Variants in SLC29A1 observed in about 807,000 individuals in gnomAD.
SLC29A1 encodes solute carrier family 29 member 1 (Augustine blood group), also known as equilibrative nucleoside transporter 1.
In SLC29A1, 22 loss-of-function variants were observed where a neutral mutation model predicts 48.3. The ratio of observed to expected loss-of-function variants is 0.46; its 90% CI spans 0.33 to 0.65. The LOEUF is 0.65. Among genes scored for constraint, SLC29A1 ranks in the 30% least tolerant of loss-of-function variants. The probability of loss-of-function intolerance (pLI) is 0.03; values close to 1 mark genes in which losing one functional copy is unlikely to be tolerated. For synonymous variants in SLC29A1, 228 were observed against 231.0 expected, an observed-to-expected ratio of 0.99 and a Z score of 0.12; for missense variants, 491 against 575.3, an observed-to-expected ratio of 0.85 and a Z score of 1.50.
At chr6:44,223,585 G>C, upstream of SLC29A1, 1 of 1,213,474 alleles carries the variant, frequency 8.2e-7, no homozygotes. The surrounding 1 kb of genome is among the most constrained non-coding windows in gnomAD (Gnocchi z 5.0). Context: ...CGGCGGGAGA[G>C]GGAAGCTGCA....
In SLC29A1 at chr6:44,227,274, A is replaced by G; in HGVS notation, c.-40A>G. On this transcript the variant is annotated 5_prime_UTR_variant, in exon 2 of 13. Coordinates refer to ENST00000371755, the MANE Select transcript of SLC29A1 (RefSeq NM_001372327.1). ...CCTGCCCCCAGCAGGCCCCTGAGGG[A>G]GGGAGCTGTCAGCCAGGGAAAACCG... 6.2e-7 allele frequency: 1 copy of G among 1,613,756 alleles called. No individual in the cohort carries two copies. Among genetic ancestry groups the G allele is most frequent in the African/African-American group, 1.3e-5 (1 of 75,038 alleles).
At position 44,229,320 on chromosome 6, in the gene SLC29A1, TTCCTGGGGCTC is replaced by T; in HGVS notation, c.30-69_30-59del. 1 of 1,238,686 alleles carries T rather than the reference TTCCTGGGGCTC, an allele frequency of 8.1e-7. No individual in the cohort carries two copies. Among genetic ancestry groups the T allele is most frequent in the Non-Finnish European group, 1.2e-6 (1 of 837,324 alleles). The allele number at this position is 1,238,686 out of a possible 1,614,324, so 76.7% of individuals were successfully genotyped here. On this transcript the variant is annotated intron_variant, in intron 2 of 12. Transcript: ENST00000371755. The surrounding 1 kb of genome is among the most constrained non-coding windows in gnomAD (Gnocchi z 5.1). ...GAGAGACTGACAACGGACAGGGGCT[TTCCTGGGGCTC>T]ATTGTGGAGTGGGGCAGGATGGTGC... is the stretch of plus-strand genomic sequence containing the variant.
At chr6:44,219,895 C>A, upstream of SLC29A1, 1 of 672,006 alleles carries the variant, frequency 1.5e-6, no homozygotes, top group Non-Finnish European at 2.2e-6. Context: ...ACCCGCTGGG[C>A]TACAGTGTCT....
At chr6:44,226,984 A>C in intron 1 of SLC29A1, 1 of 1,182,814 alleles carries the variant, frequency 8.5e-7, no homozygotes, top group Non-Finnish European at 1.1e-6. Context: ...CCAGCTTATA[A>C]ACTGCTTCGG....
At chr6:44,228,841 T>C (rs324148) in intron 2 of SLC29A1, among the ~76,000 whole-genome samples, 118,954 of 152,236 alleles carry the variant, frequency 0.78, 46,901 homozygotes, top group African/African-American at 0.9. Context: ...AGGAAGAAAA[T>C]GGCTCTAAGG....
At chr6:44,228,676 G>A (rs554477460) in intron 2 of SLC29A1, among the ~76,000 whole-genome samples, 2 of 152,378 alleles carry the variant, frequency 1.3e-5, no homozygotes, top group African/African-American at 2.4e-5. Context: ...AGAAGCTGGC[G>A]TGACCCGGAA....
Position 44,232,628 on chromosome 6 carries a change from T to C in SLC29A1, c.1060-179T>C, listed in dbSNP as rs1779149866. On this transcript the variant is annotated intron_variant, in intron 11 of 12. Coordinates refer to ENST00000371755, the MANE Select transcript of SLC29A1 (RefSeq NM_001372327.1). The surrounding 1 kb of genome is among the most constrained non-coding windows in gnomAD (Gnocchi z 4.7). ...ATACACATACCTGCCCAGATCGAGA[T>C]GTAGAATATTTCCAGCACTCCAGAA... 4.6e-6 allele frequency: 3 copies of C among 653,124 alleles called. No homozygotes were observed. In the Admixed American group the frequency reaches 8.3e-5, roughly 18 times the overall value. The allele number at this position is 653,124 out of a possible 1,614,324, so 40.5% of individuals were successfully genotyped here. A position where few individuals can be genotyped will look rare whatever the true frequency, so the allele number is the denominator to read the frequency against.
upstream of SLC29A1, among the ~76,000 whole-genome samples, chr6:44,220,660 A>AC (rs1479446382): frequency 1.4e-5 from 2 of 138,816 alleles, no homozygotes; most frequent in Non-Finnish European, 3.2e-5. Flanking sequence ...TAAAAAAAAA[A>AC]AAAAAAATAC....
upstream of SLC29A1, chr6:44,221,548 C>A: frequency 9.4e-7 from 1 of 1,068,148 alleles, no homozygotes; most frequent in Non-Finnish European, 1.3e-6. The surrounding 1 kb of genome is among the most constrained non-coding windows in gnomAD (Gnocchi z 4.2). Context: ...AGTAGAGGTG[C>A]AGCAGGACCA....
upstream of SLC29A1, among the ~76,000 whole-genome samples, chr6:44,220,754 G>T (rs1224356992): frequency 6.6e-6 from 1 of 151,978 alleles, no homozygotes; most frequent in Non-Finnish European, 1.5e-5. Flanking sequence ...GAACCCAGGA[G>T]GTGGAGGTTG....
rs908397035 is a variant in SLC29A1 at position 44,226,759 on chromosome 6, C to T, written c.-51-504C>T. The T allele has an allele frequency of 3.7e-5, 37 of 1,000,288 alleles. No individual in the cohort carries two copies. In the African/African-American group the frequency reaches 5.0e-4, roughly 14 times the overall value. The allele number at this position is 1,000,288 out of a possible 1,614,324, so 62.0% of individuals were successfully genotyped here. A position where few individuals can be genotyped will look rare whatever the true frequency, so the allele number is the denominator to read the frequency against. On this transcript the variant is annotated intron_variant, in intron 1 of 12. Transcript: ENST00000371755. Reference sequence around the variant, plus strand: ...CCTCTGGTTTGACCTCAGTCATCATCGATGTTGTCGCAGCTGCTGCAGATC... The same window carrying T: ...CCTCTGGTTTGACCTCAGTCATCATTGATGTTGTCGCAGCTGCTGCAGATC...
upstream of SLC29A1, chr6:44,223,515 G>A (rs1311193930): frequency 9.3e-7 from 1 of 1,080,842 alleles, no homozygotes; most frequent in Non-Finnish European, 1.1e-6. The surrounding 1 kb of genome is among the most constrained non-coding windows in gnomAD (Gnocchi z 5.0). Context: ...CGGGCGTCGG[G>A]GAGGTGGCAG....
intron 7 of SLC29A1, 53 bp from the exon 8 acceptor site, chr6:44,230,758 A>G (rs1778664969): frequency 2.5e-6 from 4 of 1,580,534 alleles, no homozygotes; most frequent in Non-Finnish European, 3.5e-6. Context: ...GGAGGCCGGG[A>G]TTCTGGAGAT....
chr6:44,232,822 C>T lies in SLC29A1; in HGVS notation c.1075C>T (p.Arg359Cys), dbSNP rs759970566. 14 of 1,611,664 alleles carry T rather than the reference C, an allele frequency of 8.7e-6. No homozygotes were observed. The highest frequency in any genetic ancestry group is 2.2e-5 in the East Asian group (1 of 44,886). Residue 359 changes from arginine to cysteine, a missense_variant, in exon 12 of 13, where the codon CGC becomes TGC. Coordinates refer to ENST00000371755, the MANE Select transcript of SLC29A1 (RefSeq NM_001372327.1). The surrounding 1 kb of genome is among the most constrained non-coding windows in gnomAD (Gnocchi z 4.7). ...GTGCCCACAGCCTGGGAAGGACAGC[C>T]GCTGGCTGCCAAGCCTGGTGCTGGC... ...AVFMWPGKDS[R>C]WLPSLVLARL...
At position 44,226,610 on chromosome 6, in the gene SLC29A1, G is replaced by A. The variant is rs142603772; in HGVS notation, c.-51-653G>A. 1.4e-3 allele frequency: 457 copies of A among 334,430 alleles called. 2 individuals carry two copies. The highest frequency in any genetic ancestry group is 9.9e-3 in the African/African-American group (444 of 44,758). 20.7% of individuals were successfully genotyped at this position (334,430 alleles called of 1,614,324 possible). A position where few individuals can be genotyped will look rare whatever the true frequency, so the allele number is the denominator to read the frequency against. On this transcript the variant is annotated intron_variant, in intron 1 of 12. Coordinates refer to ENST00000371755, the MANE Select transcript of SLC29A1 (RefSeq NM_001372327.1). ...AGTGGCTGGAAAGAAAGGTTAAGGT[G>A]CCAACAGCAGAGAGACTGGAATCTG...
rs1778332606 is a variant in SLC29A1 at position 44,229,440 on chromosome 6, TC to T, written c.83del (p.Pro28ArgfsTer6). 1 of 1,613,988 alleles carries T rather than the reference TC, an allele frequency of 6.2e-7. No homozygotes were observed. The part of the protein sequence containing the change: ...IFFMLGLGTL[L>X]PWNFFMTATQ... ...TTCATGCTGGGTCTGGGAACGCTGC[TC>T]CCGTGGAATTTTTTCATGACGGCCA... is the stretch of plus-strand genomic sequence containing the variant. On this transcript the variant is annotated frameshift_variant, in exon 3 of 13. Coordinates refer to ENST00000371755, the MANE Select transcript of SLC29A1 (RefSeq NM_001372327.1). LOFTEE classifies it high-confidence loss of function. This position sits in a 1 kb window ranked among gnomAD's most constrained non-coding sequence, Gnocchi z 5.1.
chr6:44,227,170 G>C, intron 1 of SLC29A1, 93 bp from the exon 2 acceptor site: 2 of 1,428,582 alleles, frequency 1.4e-6, no homozygotes, highest in Non-Finnish European at 1.9e-6. Context: ...CCACTGGCCT[G>C]TTCTGTCAGC....
rs1778795573 is a variant in SLC29A1 at position 44,231,245 on chromosome 6, G to T, written c.767-119G>T. The T allele has an allele frequency of 5.6e-6, 4 of 711,584 alleles. No individual in the cohort carries two copies. In the Admixed American group the frequency reaches 6.4e-5, roughly 11 times the overall value. The allele number at this position is 711,584 out of a possible 1,614,324, so 44.1% of individuals were successfully genotyped here. ...AGGTCTGGGTTAGGGTTAGAGTACG[G>T]CTGGGACTGGTTAAGGAGGCGTCTA... On this transcript the variant is annotated intron_variant, in intron 8 of 12. Transcript: ENST00000371755.
chr6:44,220,875 C>CTTTG (rs1314645706), upstream of SLC29A1, among the ~76,000 whole-genome samples: 21 of 151,588 alleles, frequency 1.4e-4, no homozygotes, highest in Admixed American at 6.6e-4. Context: ...TAAAATGTAT[C>CTTTG]TTTGTTTGTT....
Sources: gnomAD v4.1 joint callset for allele counts (sites outside exome capture counted in the v4.1 genomes callset) on GRCh38, gnomAD v4.1.1 for gene constraint, Gnocchi (gnomAD v3.1) non-coding constraint, MANE v1.5 for transcripts, NCBI Gene and HGNC (gene_info 2026-07-23, HGNC 2026-07-21) for gene names.